GNB1L: variants seen among roughly 807,000 people sequenced by gnomAD.
GNB1L encodes G protein subunit beta 1 like, also known as guanine nucleotide-binding protein subunit beta-like protein 1.
A neutral mutation model predicts 29.1 loss-of-function variants in GNB1L; 20 were observed. The observed-to-expected ratio is 0.69, with a 90% CI of 0.48 to 1.00. The LOEUF (loss-of-function observed/expected upper bound fraction) is 1.00. Ranked by LOEUF, GNB1L falls within the 50% of genes least tolerant of loss-of-function variation. The probability of loss-of-function intolerance (pLI) is 0.00; values close to 1 mark genes in which losing one functional copy is unlikely to be tolerated. For synonymous variants in GNB1L, 193 were observed against 206.5 expected, an observed-to-expected ratio of 0.93 and a Z score of 0.56; for missense variants, 421 against 464.9, an observed-to-expected ratio of 0.91 and a Z score of 0.87.
rs1004566563 is a variant in GNB1L, at chr22:19,850,564, G to C, written c.-21+3879C>G. The C allele has an allele frequency of 1.1e-5, 13 of 1,131,896 alleles. No homozygotes were observed. The African/African-American group carries it at 2.1e-4, about 18-fold the overall frequency. The allele number at this position is 1,131,896 out of a possible 1,614,324, so 70.1% of individuals were successfully genotyped here. Reference sequence around the variant, plus strand: ...TGCATCCAAACCTTCCAGCTGCCCAGAACTGCTGGTAATCCCACAGGAAAC... The same window carrying C: ...TGCATCCAAACCTTCCAGCTGCCCACAACTGCTGGTAATCCCACAGGAAAC... On this transcript the variant is annotated intron_variant, in intron 2 of 7. Transcript: ENST00000329517.
intron 2 of GNB1L, among the ~76,000 whole-genome samples, chr22:19,844,906 T>A (rs1326765412): frequency 6.6e-6 from 1 of 152,202 alleles, no homozygotes; most frequent in Non-Finnish European, 1.5e-5. Context: ...CTGGTTCATG[T>A]AGGCCAGCTG....
At chr22:19,848,290 C>T in intron 2 of GNB1L, 1 of 985,492 alleles carries the variant, frequency 1.0e-6, no homozygotes, top group Non-Finnish European at 1.2e-6. Flanking sequence ...TGGCCCGTCC[C>T]TGAGCATGTC....
chr22:19,783,269 G>A lies in GNB1L; in HGVS notation c.*5440C>T, dbSNP rs548937097. 2 of 513,574 alleles carry A rather than the reference G, an allele frequency of 3.9e-6. No individual in the cohort carries two copies. Among genetic ancestry groups the A allele is most frequent in the East Asian group, 3.6e-5 (1 of 27,774 alleles). 31.8% of individuals were successfully genotyped at this position (513,574 alleles called of 1,614,324 possible). On this transcript the variant is annotated 3_prime_UTR_variant, in exon 8 of 8. Coordinates refer to ENST00000329517, the MANE Select transcript of GNB1L (RefSeq NM_053004.3). ...ATGTAGCAAGAGATAATGGCACCAG[G>A]ATGAGGCCAAATGACTCGATTTCTC... is the stretch of plus-strand genomic sequence containing the variant.
chr22:19,848,049 C>G (rs1459127034), intron 2 of GNB1L: 9 of 985,278 alleles, frequency 9.1e-6, no homozygotes, highest in Non-Finnish European at 1.1e-5. Context: ...CTATTCTCTG[C>G]TCATCTGTCC....
At chr22:19,792,763 T>C (rs1478983360) in intron 7 of GNB1L, 66 of 1,498,290 alleles carry the variant, frequency 4.4e-5, no homozygotes, top group East Asian at 3.0e-4. Flanking sequence ...CTGGTGGTGA[T>C]TGCAGACGAC....
rs548029631 is a variant in GNB1L, at chr22:19,792,733, T to C, written c.733-3773A>G. The C allele has an allele frequency of 6.4e-5, 97 of 1,509,894 alleles. No homozygotes were observed. In the African/African-American group the frequency reaches 9.2e-4, roughly 14 times the overall value. The allele number at this position is 1,509,894 out of a possible 1,614,324, so 93.5% of individuals were successfully genotyped here. Reference sequence around the variant, plus strand: ...GGAGTTAACATCGTCACCACCTTGGTGGAGAACAAGAAAGCTCAGCTGGTG... The same window carrying C: ...GGAGTTAACATCGTCACCACCTTGGCGGAGAACAAGAAAGCTCAGCTGGTG... On this transcript the variant is annotated intron_variant, in intron 7 of 7. Coordinates refer to ENST00000329517, the MANE Select transcript of GNB1L (RefSeq NM_053004.3).
rs972874150 is a variant in GNB1L, at chr22:19,847,402, A to G, written c.-21+7041T>C. 9 of 985,416 alleles carry G rather than the reference A, an allele frequency of 9.1e-6. No homozygotes were observed. In the East Asian group the frequency reaches 9.1e-4, roughly 99 times the overall value. 61.0% of individuals were successfully genotyped at this position (985,416 alleles called of 1,614,324 possible). ...GGCTTTTCCAGTTCTGCTGTTCAAA[A>G]AACAGTGACACCCATGAGGTGGGTG... On this transcript the variant is annotated intron_variant, in intron 2 of 7. Coordinates refer to ENST00000329517, the MANE Select transcript of GNB1L (RefSeq NM_053004.3).
At chr22:19,799,602 T>C (rs1937345564) in intron 7 of GNB1L, among the ~76,000 whole-genome samples, 1 of 152,146 alleles carries the variant, frequency 6.6e-6, no homozygotes, top group South Asian at 2.1e-4. Flanking sequence ...GCGTCTCTAC[T>C]CCCAGCACCC....
intron 2 of GNB1L, among the ~76,000 whole-genome samples, chr22:19,845,705 G>A (rs1238595419): frequency 6.6e-6 from 1 of 152,184 alleles, no homozygotes; most frequent in African/African-American, 2.4e-5. Context: ...GAAAAACTAA[G>A]GGAGCAACGG....
chr22:19,793,487 G>T (rs1379836312), intron 7 of GNB1L, among the ~76,000 whole-genome samples: 1 of 152,156 alleles, frequency 6.6e-6, no homozygotes, highest in East Asian at 1.9e-4. Context: ...GCCCCAGAAG[G>T]AGGAGAAAGT....
At chr22:19,822,206 C>T (rs2145883087) in intron 2 of GNB1L, among the ~76,000 whole-genome samples, 1 of 152,350 alleles carries the variant, frequency 6.6e-6, no homozygotes. Context: ...CTGCACCAGG[C>T]CCCTGGCGCT....
chr22:19,817,230 T>C (rs921087627), intron 4 of GNB1L, among the ~76,000 whole-genome samples: 1 of 152,246 alleles, frequency 6.6e-6, no homozygotes, highest in African/African-American at 2.4e-5. Context: ...GGCTCATGCC[T>C]GTAATCCCAG....
At chr22:19,799,153 C>A (rs1274736190) in intron 7 of GNB1L, among the ~76,000 whole-genome samples, 2 of 152,238 alleles carry the variant, frequency 1.3e-5, no homozygotes, top group Non-Finnish European at 2.9e-5. Flanking sequence ...CTTCCCAGAC[C>A]AGGGCTGCCT....
chr22:19,837,505 G>A (rs919507480), intron 2 of GNB1L, among the ~76,000 whole-genome samples: 4 of 152,144 alleles, frequency 2.6e-5, no homozygotes, highest in Non-Finnish European at 5.9e-5. Context: ...ATCTTTAGTC[G>A]CTAGGAAAAT....
chr22:19,822,142 G>T (rs1345987008), intron 2 of GNB1L, among the ~76,000 whole-genome samples: 2 of 152,276 alleles, frequency 1.3e-5, no homozygotes, highest in African/African-American at 2.4e-5. Flanking sequence ...ACCCTATAAG[G>T]CGGCAGCACC....
intron 4 of GNB1L, among the ~76,000 whole-genome samples, chr22:19,813,722 C>A (rs930456694): frequency 6.6e-6 from 1 of 151,832 alleles, no homozygotes; most frequent in Non-Finnish European, 1.5e-5. Flanking sequence ...AGACTGGGTG[C>A]GGTGGCTCAC....
At chr22:19,795,410 C>G (rs756887848) in intron 7 of GNB1L, among the ~76,000 whole-genome samples, 2 of 152,140 alleles carry the variant, frequency 1.3e-5, no homozygotes, top group African/African-American at 2.4e-5. Context: ...CGTCCACTGA[C>G]CTGGGTCAGG....
Position 19,788,658 on chromosome 22 carries a change from T to C in GNB1L, c.*51A>G. ...GTTTCAGGCCAAGGCTGGGGCCTGA[T>C]GCCCACCTCCCTGCCCGCCCTCCTC... On this transcript the variant is annotated 3_prime_UTR_variant, in exon 8 of 8. Transcript: ENST00000329517. 6.2e-7 allele frequency: 1 copy of C among 1,611,690 alleles called. No individual in the cohort carries two copies.
chr22:19,828,951 C>A (rs1290615981), intron 2 of GNB1L, among the ~76,000 whole-genome samples: 2 of 152,034 alleles, frequency 1.3e-5, no homozygotes, highest in Non-Finnish European at 2.9e-5. Context: ...TGTGCCTCAG[C>A]CTCCCGAGTA....
Sources: gnomAD v4.1 joint callset for allele counts (sites outside exome capture counted in the v4.1 genomes callset) on GRCh38, gnomAD v4.1.1 for gene constraint, MANE v1.5 for transcripts, NCBI Gene and HGNC (gene_info 2026-07-23, HGNC 2026-07-21) for gene names.